Variants in SCRN1 observed in about 807,000 individuals in gnomAD.
SCRN1 encodes the protein secernin 1.
Under a neutral mutation model 43.3 loss-of-function variants are expected in SCRN1, and 19 were observed. That is an observed-to-expected ratio of 0.44 (90% confidence interval 0.31 to 0.64). The LOEUF is 0.64. Ranked by LOEUF, SCRN1 falls within the 30% of genes least tolerant of loss-of-function variation. The pLI is 0.09. For synonymous variants in SCRN1, 183 were observed against 188.9 expected (o/e 0.97, Z 0.26); for missense variants, 447 against 524.1 (o/e 0.85, Z 1.44).
rs1350725220 is a variant in SCRN1, at chr7:29,926,560, C to T, written c.978G>A (p.Gly326=). 3.1e-6 allele frequency: 5 copies of T among 1,614,148 alleles called. No individual in the cohort carries two copies. Among genetic ancestry groups the T allele is most frequent in the Non-Finnish European group, 4.2e-6 (5 of 1,180,038 alleles). The change falls in exon 7 of 8, where the codon GGG becomes GGA. Residue 326 remains glycine (G), a synonymous_variant. Transcript: ENST00000242059. ...GCTCCTTTTTGGCAGGGTCGTCATC[C>T]CCAAAACAGGGAGACTGTGTTTTGG... ...LVPKTQSPCF[G]DDDPAKKEPR...
At chr7:29,966,423 T>C (rs1788500347) in intron 2 of SCRN1, among the ~76,000 whole-genome samples, 1 of 152,248 alleles carries the variant, frequency 6.6e-6, no homozygotes, top group Admixed American at 6.5e-5. Flanking sequence ...AATCTGCCCA[T>C]GTAAAAATCA....
intron 3 of SCRN1, among the ~76,000 whole-genome samples, chr7:29,952,051 G>C (rs1159016909): frequency 6.6e-6 from 1 of 152,250 alleles, no homozygotes; most frequent in Admixed American, 6.5e-5. Flanking sequence ...AGCAAGGCCA[G>C]AGAAAGTAGT....
At chr7:29,949,028 A>C (rs1562810456) in intron 3 of SCRN1, among the ~76,000 whole-genome samples, 1 of 152,160 alleles carries the variant, frequency 6.6e-6, no homozygotes, top group Non-Finnish European at 1.5e-5. Flanking sequence ...TATAAGTGGC[A>C]CCCTAGGACA....
At chr7:29,930,235 C>T (rs1025680217) in intron 6 of SCRN1, among the ~76,000 whole-genome samples, 22 of 151,942 alleles carry the variant, frequency 1.4e-4, no homozygotes, top group Admixed American at 6.6e-4. Context: ...AAAATTATTG[C>T]TGATAATAAT....
intron 6 of SCRN1, among the ~76,000 whole-genome samples, chr7:29,932,651 C>CAAAAAAAAAAAA (rs1162835669): frequency 8.7e-4 from 7 of 8,050 alleles, no homozygotes; most frequent in South Asian, 3.2e-3. Flanking sequence ...GATTCCATCT[C>CAAAAAAAAAAAA]AAAAAAAAAA....
At chr7:29,982,886 G>A (rs969558943) in intron 1 of SCRN1, among the ~76,000 whole-genome samples, 1 of 151,566 alleles carries the variant, frequency 6.6e-6, no homozygotes, top group Non-Finnish European at 1.5e-5. Context: ...TGTTGCCCAG[G>A]CTGGAATGCA....
intron 2 of SCRN1, among the ~76,000 whole-genome samples, chr7:29,963,131 A>G (rs1788382120): frequency 6.6e-6 from 1 of 152,158 alleles, no homozygotes; most frequent in Non-Finnish European, 1.5e-5. Context: ...GTGTCTCACT[A>G]AAGCCTGTAA....
At chr7:29,988,983 T>G (rs1447602849) in intron 1 of SCRN1, 1 of 152,136 alleles carries the variant, frequency 6.6e-6, no homozygotes, top group Admixed American at 6.5e-5. Context: ...AGCCGGCCTC[T>G]CGGCAGCCCC....
intron 1 of SCRN1, among the ~76,000 whole-genome samples, chr7:29,979,053 T>G (rs940040777): frequency 2.6e-5 from 4 of 152,230 alleles, no homozygotes; most frequent in African/African-American, 9.6e-5. Context: ...TTATATGATG[T>G]TTCCCAATTT....
At position 29,985,336 on chromosome 7, in the gene SCRN1, G is replaced by A. The variant is rs1789116294; in HGVS notation, c.-2+4306C>T. 1.4e-5 allele frequency among the ~76,000 whole-genome samples: 2 copies of A among 141,352 alleles called. 1 individual carries two copies. Among genetic ancestry groups the A allele is most frequent in the African/African-American group, 5.4e-5 (2 of 36,964 alleles). 92.7% of individuals were successfully genotyped at this position (141,352 alleles called of 152,430 possible). On this transcript the variant is annotated intron_variant, in intron 1 of 7. Transcript: ENST00000242059. ...AGGAGAAATCACTTGAACCTGGGGG[G>A]ACAGAGGTTGCAGTGAGCTGAGATC...
intron 1 of SCRN1, among the ~76,000 whole-genome samples, chr7:29,987,045 C>T (rs1562826891): frequency 6.6e-6 from 1 of 152,082 alleles, no homozygotes; most frequent in Non-Finnish European, 1.5e-5. Context: ...TTCTAAATGG[C>T]ACATGTCACA....
chr7:29,962,952 G>A (rs1788375077), intron 2 of SCRN1, among the ~76,000 whole-genome samples: 1 of 151,854 alleles, frequency 6.6e-6, no homozygotes, highest in East Asian at 1.9e-4. Context: ...GTAAGAGTAA[G>A]TTTGAAAAGC....
rs1788459732 is a variant in SCRN1 at position 29,965,545 on chromosome 7, A to G, written c.159+3364T>C. On this transcript the variant is annotated intron_variant, in intron 2 of 7. Transcript: ENST00000242059. The surrounding 1 kb of genome is among the most constrained non-coding windows in gnomAD (Gnocchi z 4.2). ...GTATAAACTACGTGGCCGACAATGCATATGTTGTTACAGCAACATATATGA... is the reference window on the plus strand; with the variant it reads ...GTATAAACTACGTGGCCGACAATGCGTATGTTGTTACAGCAACATATATGA... 6.6e-6 allele frequency among the ~76,000 whole-genome samples: 1 copy of G among 152,166 alleles called. No homozygotes were observed. Among genetic ancestry groups the G allele is most frequent in the Non-Finnish European group, 1.5e-5 (1 of 68,032 alleles).
rs747447458 is a variant in SCRN1, at chr7:29,936,602, T to C, written c.859A>G (p.Ser287Gly). The change falls in exon 6 of 8, where the codon AGC becomes GGC. Residue 287 changes from serine (S) to glycine (G), a missense_variant. Physicochemically the swap from Ser to Gly is moderately conservative, Grantham distance 56 (BLOSUM62 0). Transcript: ENST00000242059. ...GTGAAGTAGTGAATGCACGGAGAGC[T>C]TCTATTCTGCGGCAGGACAGACACT... ...SGVSVLPQNR[S>G]SPCIHYFTGT... 6.2e-7 allele frequency: 1 copy of C among 1,605,490 alleles called. No individual in the cohort carries two copies. The highest frequency in any genetic ancestry group is 2.2e-5 in the East Asian group (1 of 44,624).
At chr7:29,939,251 T>C (rs1787450368) in intron 5 of SCRN1, among the ~76,000 whole-genome samples, 2 of 152,104 alleles carry the variant, frequency 1.3e-5, no homozygotes, top group African/African-American at 4.8e-5. Context: ...TCTCACTCTG[T>C]CACCCAGGCT....
At chr7:29,957,300 C>T (rs984337854) in intron 2 of SCRN1, among the ~76,000 whole-genome samples, 1 of 152,214 alleles carries the variant, frequency 6.6e-6, no homozygotes, top group African/African-American at 2.4e-5. Context: ...CAAAGGCGCG[C>T]ACACAAATTC....
intron 1 of SCRN1, among the ~76,000 whole-genome samples, chr7:29,978,168 T>C (rs1039698621): frequency 2.0e-5 from 3 of 152,192 alleles, no homozygotes; most frequent in African/African-American, 7.2e-5. Flanking sequence ...CAGCGTGGTG[T>C]GGAACAGGGG....
intron 5 of SCRN1, among the ~76,000 whole-genome samples, chr7:29,937,399 C>T (rs1787376300): frequency 6.6e-6 from 1 of 152,186 alleles, no homozygotes; most frequent in Non-Finnish European, 1.5e-5. Flanking sequence ...CAGTAACCAG[C>T]CCTGGACTGG....
intron 4 of SCRN1, among the ~76,000 whole-genome samples, chr7:29,942,254 A>G (rs1033600344): frequency 6.6e-6 from 1 of 152,224 alleles, no homozygotes; most frequent in African/African-American, 2.4e-5. Context: ...TTTGCTTTTA[A>G]GAATGTTAGC....
Sources: gnomAD v4.1 joint callset for allele counts (sites outside exome capture counted in the v4.1 genomes callset) on GRCh38, gnomAD v4.1.1 for gene constraint, Gnocchi (gnomAD v3.1) non-coding constraint, MANE v1.5 for transcripts, NCBI Gene and HGNC (gene_info 2026-07-23, HGNC 2026-07-21) for gene names.